The following SMIM23 variants were observed in gnomAD, a reference collection of about 807,000 sequenced individuals.
The protein encoded by SMIM23 is CTB-78H18.1.
A neutral mutation model predicts 12.8 loss-of-function variants in SMIM23; 10 were observed. The ratio of observed to expected loss-of-function variants is 0.78; its 90% CI spans 0.48 to 1.32. The LOEUF is 1.32. Among genes scored for constraint, SMIM23 ranks in the 40% most tolerant of loss-of-function variants. SMIM23 has a pLI of 0.00. For synonymous variants in SMIM23, 78 were observed against 80.1 expected (o/e 0.97, Z 0.14); for missense variants, 184 against 198.2 (o/e 0.93, Z 0.43).
intron 1 of SMIM23, among the ~76,000 whole-genome samples, chr5:171,788,459 G>T (rs1755859139): frequency 6.6e-6 from 1 of 152,030 alleles, no homozygotes; most frequent in Non-Finnish European, 1.5e-5. Context: ...AAGAATGAAA[G>T]AGGTCTCTTG....
At chr5:171,775,293 C>A in the SMIM23 span, among the ~76,000 whole-genome samples, 2 of 152,292 alleles carry the variant, frequency 1.3e-5, no homozygotes, top group Admixed American at 1.3e-4. Flanking sequence ...ACCAGGAGGG[C>A]GCTGCCTCAC....
chr5:171,786,315 G>T (rs535796148), intron 1 of SMIM23, among the ~76,000 whole-genome samples: 1 of 152,132 alleles, frequency 6.6e-6, no homozygotes, highest in African/African-American at 2.4e-5. Flanking sequence ...GAATTGGAGC[G>T]CTCCTGGAGG....
chr5:171,787,004 C>CTTTTTTTTTTT (rs202159150), intron 1 of SMIM23, among the ~76,000 whole-genome samples: 7 of 71,256 alleles, frequency 9.8e-5, no homozygotes, highest in Admixed American at 2.0e-4. Flanking sequence ...CCATTGTTTC[C>CTTTTTTTTTTT]TTTTTTTTTT....
the SMIM23 span, chr5:171,774,858 C>T: frequency 3.0e-6 from 1 of 336,486 alleles, no homozygotes; most frequent in Non-Finnish European, 5.8e-6. Context: ...TACAGGCCCA[C>T]TCTGTTTTTA....
Position 171,790,480 on chromosome 5 carries a change from A to G in SMIM23, c.158-2A>G. The G allele has an allele frequency of 1.3e-6, 2 of 1,536,746 alleles. No individual in the cohort carries two copies. The highest frequency in any genetic ancestry group is 1.4e-5 in the African/African-American group (1 of 73,172). On this transcript the variant is annotated splice_acceptor_variant, in intron 2 of 3. Coordinates refer to ENST00000523047, the MANE Select transcript of SMIM23 (RefSeq NM_001289970.2). LOFTEE classifies it high-confidence loss of function. ...CAGAGGTGATGTTTGTGCCTGTTTCAGGAAGCAGTTGGGAGGTGTCAGAAA... is the reference window on the plus strand; with the variant it reads ...CAGAGGTGATGTTTGTGCCTGTTTCGGGAAGCAGTTGGGAGGTGTCAGAAA...
intron 2 of SMIM23, 57 bp from the exon 3 acceptor site, chr5:171,790,425 G>A: frequency 3.3e-6 from 5 of 1,527,598 alleles, no homozygotes; most frequent in East Asian, 2.4e-5. Context: ...AACTAACCAT[G>A]TTTATTTCAA....
chr5:171,774,804 C>A, the SMIM23 span: 17 of 358,978 alleles, frequency 4.7e-5, no homozygotes, highest in Non-Finnish European at 8.8e-5. Flanking sequence ...AAGACAAAAA[C>A]AAACTGGCTC....
At chr5:171,780,700 A>T (rs906372328), upstream of SMIM23, among the ~76,000 whole-genome samples, 2 of 152,178 alleles carry the variant, frequency 1.3e-5, no homozygotes, top group Non-Finnish European at 2.9e-5. Flanking sequence ...CAGCAACTGC[A>T]TGGGTGCCTG....
rs563451286 is a variant in SMIM23, at chr5:171,786,084, G to A, written c.105+108G>A. ...CCCGGAATGAATCTTGGACCCAACC[G>A]TCCCTGGATCCCACTCTGATGGAGC... On this transcript the variant is annotated intron_variant, in intron 1 of 3. Transcript: ENST00000523047. 1,760 of 891,398 alleles carry A rather than the reference G, an allele frequency of 2.0e-3. 4 individuals carry two copies. The highest frequency in any genetic ancestry group is 2.5e-3 in the Non-Finnish European group (1,438 of 572,086). The allele number at this position is 891,398 out of a possible 1,614,324, so 55.2% of individuals were successfully genotyped here. A position where few individuals can be genotyped will look rare whatever the true frequency, so the allele number is the denominator to read the frequency against.
At chr5:171,778,556 A>G (rs1478040605), upstream of SMIM23, among the ~76,000 whole-genome samples, 1 of 152,108 alleles carries the variant, frequency 6.6e-6, no homozygotes, top group African/African-American at 2.4e-5. Flanking sequence ...GGAGTGCTGT[A>G]GCCACAAGCT....
chr5:171,778,945 T>C (rs907078960), upstream of SMIM23, among the ~76,000 whole-genome samples: 3 of 151,814 alleles, frequency 2.0e-5, no homozygotes, highest in Non-Finnish European at 4.4e-5. Flanking sequence ...ATTCAGGAGG[T>C]CCCTCTCTCC....
In SMIM23 at chr5:171,790,128, C is replaced by A. The variant is rs1755894278; in HGVS notation, c.106-102C>A. 6 of 1,183,054 alleles carry A rather than the reference C, an allele frequency of 5.1e-6. No individual in the cohort carries two copies. In the East Asian group the frequency reaches 7.7e-5, roughly 15 times the overall value. 73.3% of individuals were successfully genotyped at this position (1,183,054 alleles called of 1,614,324 possible). A position where few individuals can be genotyped will look rare whatever the true frequency, so the allele number is the denominator to read the frequency against. On this transcript the variant is annotated intron_variant, in intron 1 of 3. Coordinates refer to ENST00000523047, the MANE Select transcript of SMIM23 (RefSeq NM_001289970.2). ...ACAAAAGTTAAACTCAAAAAACTGTCTTATAAGCATTCCCATGTCTGGCCC... is the reference window on the plus strand; with the variant it reads ...ACAAAAGTTAAACTCAAAAAACTGTATTATAAGCATTCCCATGTCTGGCCC...
At position 171,790,212 on chromosome 5, in the gene SMIM23, C is replaced by T; in HGVS notation, c.106-18C>T. The T allele has an allele frequency of 6.5e-7, 1 of 1,536,056 alleles. No homozygotes were observed. Among genetic ancestry groups the T allele is most frequent in the South Asian group, 1.2e-5 (1 of 84,058 alleles). The stretch of plus-strand genomic sequence containing the variant: ...TCATCCTCATGTTCTTCCTCCTCTT[C>T]CTCTTCTTGCACCCTAGACGCTGTT... On this transcript the variant is annotated intron_variant, in intron 1 of 3. Transcript: ENST00000523047.
At chr5:171,788,461 G>C (rs1581075223) in intron 1 of SMIM23, among the ~76,000 whole-genome samples, 1 of 151,326 alleles carries the variant, frequency 6.6e-6, no homozygotes, top group Non-Finnish European at 1.5e-5. Flanking sequence ...GAATGAAAGA[G>C]GTCTCTTGTT....
At chr5:171,788,303 A>G (rs79583161) in intron 1 of SMIM23, among the ~76,000 whole-genome samples, 3,536 of 152,240 alleles carry the variant, frequency 0.023, 63 homozygotes, top group South Asian at 0.049. Flanking sequence ...AATAAAGACA[A>G]AATCAGAAAT....
At chr5:171,789,373 A>G (rs964406961) in intron 1 of SMIM23, among the ~76,000 whole-genome samples, 1 of 152,252 alleles carries the variant, frequency 6.6e-6, no homozygotes, top group Non-Finnish European at 1.5e-5. Context: ...GGTTTCTTAT[A>G]AAATTAAACA....
upstream of SMIM23, chr5:171,782,798 A>G (rs1309381844): frequency 6.6e-6 from 1 of 152,214 alleles, no homozygotes; most frequent in East Asian, 1.9e-4. Flanking sequence ...CGGGCTGCGT[A>G]AGGGGCATCA....
chr5:171,776,125 C>A, the SMIM23 span, among the ~76,000 whole-genome samples: 1 of 152,232 alleles, frequency 6.6e-6, no homozygotes, highest in African/African-American at 2.4e-5. Flanking sequence ...CCCGCCTTGG[C>A]CTCCCAAAGT....
chr5:171,784,272 G>A (rs1318887471), upstream of SMIM23, among the ~76,000 whole-genome samples: 5 of 152,142 alleles, frequency 3.3e-5, no homozygotes, highest in East Asian at 1.9e-4. Flanking sequence ...TTGGGAGGCC[G>A]AGGCAAGCGG....
Sources: allele counts gnomAD v4.1 joint callset (sites outside exome capture counted in the v4.1 genomes callset), GRCh38; gene constraint gnomAD v4.1.1; transcripts MANE v1.5; gene names NCBI Gene and HGNC (gene_info 2026-07-23, HGNC 2026-07-21).